Variants in SCP2 observed in about 807,000 individuals in gnomAD.
The protein encoded by SCP2 is sterol carrier protein 2, also known as SCP-2/3-oxoacyl-CoA thiolase.
SCP2 carries 48 observed loss-of-function variants against 71.4 expected under a neutral mutation model. That is an observed-to-expected ratio of 0.67 (90% confidence interval 0.53 to 0.86). The LOEUF is 0.86. Among genes scored for constraint, SCP2 ranks in the 40% least tolerant of loss-of-function variants. The probability of loss-of-function intolerance (pLI) is 0.00; values close to 1 mark genes in which losing one functional copy is unlikely to be tolerated. For missense variants in SCP2, 560 were observed against 655.6 expected, an observed-to-expected ratio of 0.85 and a Z score of 1.59; for synonymous variants, 220 against 218.1, an observed-to-expected ratio of 1.01 and a Z score of -0.08.
At chr1:53,041,799 T>C (rs1298633980) in intron 14 of SCP2, among the ~76,000 whole-genome samples, 1 of 152,176 alleles carries the variant, frequency 6.6e-6, no homozygotes, top group Non-Finnish European at 1.5e-5. Context: ...AGGGAGGTCC[T>C]GTAGGAAAGG....
chr1:52,954,891 GT>G lies in SCP2; in HGVS notation c.396+88del, dbSNP rs1655660684. On this transcript the variant is annotated intron_variant, in intron 5 of 15. Coordinates refer to ENST00000371514, the MANE Select transcript of SCP2 (RefSeq NM_002979.5). ...TACTTACATGTATGCATAGATCTTG[GT>G]ATTTTAGAATAGTGAAGAATCTTAG... The G allele has an allele frequency of 1.0e-5, 10 of 975,028 alleles. No individual in the cohort carries two copies. The South Asian group carries it at 1.3e-4, about 13-fold the overall frequency. The allele number at this position is 975,028 out of a possible 1,614,324, so 60.4% of individuals were successfully genotyped here.
At chr1:53,005,239 C>T (rs532191401) in intron 11 of SCP2, among the ~76,000 whole-genome samples, 2 of 152,200 alleles carry the variant, frequency 1.3e-5, no homozygotes, top group Non-Finnish European at 2.9e-5. Flanking sequence ...CTTCTGCAGA[C>T]TTAAACGTCC....
chr1:53,009,729 T>C (rs1660864760), intron 11 of SCP2, among the ~76,000 whole-genome samples: 1 of 152,180 alleles, frequency 6.6e-6, no homozygotes, highest in African/African-American at 2.4e-5. Context: ...AAGGACTTCA[T>C]GACTAAAACA....
At chr1:53,049,241 C>T (rs1046197976) in intron 15 of SCP2, 1 of 152,220 alleles carries the variant, frequency 6.6e-6, no homozygotes, top group Non-Finnish European at 1.5e-5. Context: ...ACATCAGCTG[C>T]CTTCATTCTC....
At chr1:53,017,359 C>T (rs545815072) in intron 12 of SCP2, among the ~76,000 whole-genome samples, 1 of 152,280 alleles carries the variant, frequency 6.6e-6, no homozygotes, top group East Asian at 1.9e-4. Context: ...ATGTAGTCAA[C>T]CCTTCTCCTT....
At chr1:52,982,356 G>A (rs546318306) in intron 10 of SCP2, among the ~76,000 whole-genome samples, 10 of 152,252 alleles carry the variant, frequency 6.6e-5, no homozygotes, top group South Asian at 4.1e-4. Context: ...AGATAACGAG[G>A]TCAGGAGATC....
At chr1:53,017,860 C>CTT (rs1661441635) in intron 12 of SCP2, among the ~76,000 whole-genome samples, 1 of 151,918 alleles carries the variant, frequency 6.6e-6, no homozygotes, top group African/African-American at 2.4e-5. Context: ...TTTCTTTTTT[C>CTT]TTTTCTTTTT....
At chr1:53,036,744 T>C (rs1432846825) in intron 13 of SCP2, among the ~76,000 whole-genome samples, 1 of 152,042 alleles carries the variant, frequency 6.6e-6, no homozygotes, top group Non-Finnish European at 1.5e-5. Flanking sequence ...TTTTGTAATC[T>C]ACTTTTTCTG....
At position 53,050,654 on chromosome 1, in the gene SCP2, G is replaced by A. The variant is rs746849767; in HGVS notation, c.1594G>A (p.Ala532Thr). The change falls in exon 16 of 16, where the codon GCT becomes ACT. Residue 532 changes from alanine (A) to threonine (T), a missense_variant. Coordinates refer to ENST00000371514, the MANE Select transcript of SCP2 (RefSeq NM_002979.5). Reference protein sequence around the residue: ...KLKITGNMGLAMKLQNLQLQP... With the variant: ...KLKITGNMGLTMKLQNLQLQP... ...GAAAATCACTGGCAACATGGGTCTC[G>A]CTATGAAGTTACAAAATCTTCAGCT... 7 of 1,613,640 alleles carry A rather than the reference G, an allele frequency of 4.3e-6. No homozygotes were observed. Among genetic ancestry groups the A allele is most frequent in the South Asian group, 1.1e-5 (1 of 91,084 alleles).
intron 13 of SCP2, among the ~76,000 whole-genome samples, chr1:53,035,595 C>CA (rs201851805): frequency 0.074 from 11,231 of 151,384 alleles, 799 homozygotes; most frequent in Admixed American, 0.19. Flanking sequence ...GAAAATGTGT[C>CA]CAAAAAAAAA....
intron 10 of SCP2, 152 bp downstream of exon 10, chr1:52,980,695 A>G (rs1366431615): frequency 4.0e-6 from 3 of 751,870 alleles, no homozygotes; most frequent in African/African-American, 3.5e-5. Context: ...TTGGTAGTGG[A>G]CGTTTTAGAA....
At chr1:53,020,940 C>T (rs1328745002) in intron 12 of SCP2, among the ~76,000 whole-genome samples, 2 of 152,088 alleles carry the variant, frequency 1.3e-5, no homozygotes, top group Non-Finnish European at 2.9e-5. Context: ...GTTAAATTTT[C>T]GTTTTAGGGA....
intron 12 of SCP2, among the ~76,000 whole-genome samples, chr1:53,026,638 G>A (rs1662150002): frequency 6.6e-6 from 1 of 151,982 alleles, no homozygotes; most frequent in Non-Finnish European, 1.5e-5. Flanking sequence ...CAAGGCCCCT[G>A]TCTCTACAAA....
intron 4 of SCP2, 63 bp downstream of exon 4, chr1:52,950,949 C>A: frequency 6.7e-7 from 1 of 1,496,732 alleles, no homozygotes; most frequent in Non-Finnish European, 9.3e-7. Context: ...ATCACACGAC[C>A]ATCAGAGGAA....
chr1:52,935,295 C>T (rs1209611599), intron 1 of SCP2, among the ~76,000 whole-genome samples: 1 of 151,558 alleles, frequency 6.6e-6, no homozygotes, highest in East Asian at 2.0e-4. Flanking sequence ...AAGAAACCTC[C>T]ACTTGGCGGG....
In SCP2 at chr1:52,988,036, T is replaced by A; in HGVS notation, c.981T>A (p.Gly327=). 6.5e-7 allele frequency: 1 copy of A among 1,542,376 alleles called. No individual in the cohort carries two copies. Among genetic ancestry groups the A allele is most frequent in the Non-Finnish European group, 9.0e-7 (1 of 1,116,460 alleles). The change falls in exon 11 of 16, where the codon GGT becomes GGA. Residue 327 remains glycine (G), a synonymous_variant. Transcript: ENST00000371514. The part of the protein sequence containing the change: ...EALGLCPEGQ[G]ATLVDRGDNT... ...CTATTTTTTCTTCTATAGGACAAGG[T>A]GCAACGCTGGTTGATAGAGGAGATA...
intron 1 of SCP2, among the ~76,000 whole-genome samples, chr1:52,938,167 A>G (rs928635870): frequency 1.3e-5 from 2 of 152,166 alleles, no homozygotes; most frequent in Admixed American, 1.3e-4. Context: ...TTTATTTGTC[A>G]CATCCTTTTT....
At position 53,015,194 on chromosome 1, in the gene SCP2, T is replaced by G. The variant is rs1661253199; in HGVS notation, c.1235+151T>G. On this transcript the variant is annotated intron_variant, in intron 12 of 15. Transcript: ENST00000371514. ...TGTTTTAAGAACATGGCTTTAAAAG[T>G]GGCCATCAGGTTTTAAATTTAACCA... The G allele has an allele frequency of 3.5e-6, 3 of 857,410 alleles. No homozygotes were observed. The South Asian group carries it at 4.4e-5, about 13-fold the overall frequency. The allele number at this position is 857,410 out of a possible 1,614,324, so 53.1% of individuals were successfully genotyped here.
rs201030414 is a variant in SCP2, at chr1:52,947,394, GTC to G, written c.128-613_128-612del. 2.0e-3 allele frequency among the ~76,000 whole-genome samples: 308 copies of G among 151,826 alleles called. 10 individuals carry two copies. The East Asian group carries it at 0.05, about 25-fold the overall frequency. On this transcript the variant is annotated intron_variant, in intron 2 of 15. Transcript: ENST00000371514. The stretch of plus-strand genomic sequence containing the variant: ...AGTTTTTGATTTGTCAGTTTTAGAT[GTC>G]TGTTTGCTGCTCACTGTCATAAATG...
Sources: allele counts gnomAD v4.1 joint callset (sites outside exome capture counted in the v4.1 genomes callset), GRCh38; gene constraint gnomAD v4.1.1; transcripts MANE v1.5; gene names NCBI Gene and HGNC (gene_info 2026-07-23, HGNC 2026-07-21).